KLHL28: variants seen among roughly 807,000 people sequenced by gnomAD.
The protein encoded by KLHL28 is kelch like family member 28.
Under a neutral mutation model 48.3 loss-of-function variants are expected in KLHL28, and 22 were observed. The observed-to-expected ratio is 0.46, with a 90% CI of 0.33 to 0.65. KLHL28 has a LOEUF of 0.65. Ranked by LOEUF, KLHL28 falls within the 30% of genes least tolerant of loss-of-function variation. KLHL28 has a pLI of 0.03. For synonymous variants in KLHL28, 243 were observed against 242.4 expected (o/e 1.00, Z -0.02); for missense variants, 527 against 704.3 (o/e 0.75, Z 2.85).
chr14:44,945,236 A>G lies in KLHL28; in HGVS notation c.693T>C (p.Val231=). The change falls in exon 2 of 5, where the codon GTT becomes GTC. Residue 231 remains valine (V), a synonymous_variant. Coordinates refer to ENST00000396128, the MANE Select transcript of KLHL28 (RefSeq NM_017658.5). ...CTTCATATAGTCTAGTGAGAAACTTAACACTCAACAATGGTAATCGTACAC... is the reference window on the plus strand; with the variant it reads ...CTTCATATAGTCTAGTGAGAAACTTGACACTCAACAATGGTAATCGTACAC... ...LNSVRLPLLS[V]KFLTRLYEAN... 4 of 1,614,120 alleles carry G rather than the reference A, an allele frequency of 2.5e-6. No homozygotes were observed. Among genetic ancestry groups the G allele is most frequent in the Non-Finnish European group, 3.4e-6 (4 of 1,179,960 alleles).
intron 3 of KLHL28, 123 bp from the exon 4 acceptor site, chr14:44,931,664 G>A (rs1449915841): frequency 1.0e-5 from 7 of 691,280 alleles, no homozygotes; most frequent in South Asian, 9.9e-5. Flanking sequence ...AACAAGAGTA[G>A]TCTGCCACAA....
chr14:44,942,019 C>T (rs562976054), intron 2 of KLHL28, among the ~76,000 whole-genome samples: 60 of 152,284 alleles, frequency 3.9e-4, no homozygotes, highest in African/African-American at 1.3e-3. Context: ...TGCTGATGAC[C>T]TTCAAATTTC....
At position 44,928,803 on chromosome 14, in the gene KLHL28, C is replaced by CTTTT; in HGVS notation, c.*221_*224dup. The CTTTT allele has an allele frequency of 3.4e-6, 1 of 292,994 alleles. No individual in the cohort carries two copies. Among genetic ancestry groups the CTTTT allele is most frequent in the Non-Finnish European group, 6.2e-6 (1 of 161,188 alleles). The allele number at this position is 292,994 out of a possible 1,614,324, so 18.1% of individuals were successfully genotyped here. A position where few individuals can be genotyped will look rare whatever the true frequency, so the allele number is the denominator to read the frequency against. On this transcript the variant is annotated 3_prime_UTR_variant, in exon 5 of 5. Transcript: ENST00000396128. ...CAGAATTCAATTGGCAAAGTCTTTA[C>CTTTT]TTTTTTTTTTTCTCTTTTTTCTTTT...
chr14:44,952,962 C>T (rs1029464435), intron 1 of KLHL28, among the ~76,000 whole-genome samples: 10 of 151,270 alleles, frequency 6.6e-5, no homozygotes, highest in African/African-American at 1.9e-4. Context: ...ATTTTAGAGT[C>T]GGACAGATTT....
intron 1 of KLHL28, chr14:44,959,320 G>A (rs1256215186): frequency 6.6e-6 from 1 of 152,014 alleles, no homozygotes; most frequent in African/African-American, 2.4e-5. Context: ...AGGATTAAAT[G>A]AGTTAATATT....
rs1285890165 is a variant in KLHL28, at chr14:44,928,495, G to C, written c.*533C>G. 1 of 152,046 alleles carries C rather than the reference G, an allele frequency of 6.6e-6. No individual in the cohort carries two copies. Among genetic ancestry groups the C allele is most frequent in the East Asian group, 1.9e-4 (1 of 5,188 alleles). 9.4% of individuals were successfully genotyped at this position (152,046 alleles called of 1,614,324 possible). A position where few individuals can be genotyped will look rare whatever the true frequency, so the allele number is the denominator to read the frequency against. ...TATTCAGATGACTACCTATTGGCAT[G>C]TTATTTACAACCTTTAAAAGTACCA... is the stretch of plus-strand genomic sequence containing the variant. On this transcript the variant is annotated 3_prime_UTR_variant, in exon 5 of 5. Coordinates refer to ENST00000396128, the MANE Select transcript of KLHL28 (RefSeq NM_017658.5).
intron 2 of KLHL28, 24 bp downstream of exon 2, chr14:44,945,006 C>A: frequency 6.8e-7 from 1 of 1,471,392 alleles, no homozygotes; most frequent in Non-Finnish European, 9.2e-7. Context: ...TAGCATCATT[C>A]ATTTAGGAAA....
At chr14:44,940,855 T>C (rs1359312762) in intron 2 of KLHL28, among the ~76,000 whole-genome samples, 1 of 152,130 alleles carries the variant, frequency 6.6e-6, no homozygotes, top group African/African-American at 2.4e-5. Context: ...ATTATAAAAA[T>C]ACTTGGGAGG....
intron 3 of KLHL28, among the ~76,000 whole-genome samples, chr14:44,933,737 G>A (rs571994403): frequency 5.5e-4 from 84 of 152,192 alleles, no homozygotes; most frequent in African/African-American, 2.0e-3. Context: ...ATATTGTATA[G>A]ACACACAGGA....
At chr14:44,956,327 G>A (rs1233090169) in intron 1 of KLHL28, among the ~76,000 whole-genome samples, 1 of 152,068 alleles carries the variant, frequency 6.6e-6, no homozygotes. Flanking sequence ...TTATCATTTT[G>A]CATCCTTAAT....
At chr14:44,951,501 T>C (rs1271972382) in intron 1 of KLHL28, among the ~76,000 whole-genome samples, 1 of 152,200 alleles carries the variant, frequency 6.6e-6, no homozygotes, top group East Asian at 1.9e-4. Context: ...TTTAAATATT[T>C]TCTGACCATT....
intron 3 of KLHL28, among the ~76,000 whole-genome samples, chr14:44,933,306 T>A (rs1883663705): frequency 6.7e-6 from 1 of 149,440 alleles, no homozygotes; most frequent in African/African-American, 2.5e-5. Context: ...TTTTCTTTTC[T>A]TTCTTTCTTT....
intron 2 of KLHL28, among the ~76,000 whole-genome samples, chr14:44,940,902 C>A (rs1884044754): frequency 6.6e-6 from 1 of 152,052 alleles, no homozygotes; most frequent in Admixed American, 6.6e-5. Flanking sequence ...GAGTTCAAGA[C>A]CAGCCTGACC....
rs1190484852 is a variant in KLHL28 at position 44,931,428 on chromosome 14, C to T, written c.1457G>A (p.Gly486Glu). ...VMLGFIFVVG[G>E]HNGVSHLSSI... ...GGACAAATGTGAGACTCCATTATGT[C>T]CACCCACCACAAAAATAAAGCCTAG... Residue 486 changes from glycine to glutamate, a missense_variant, in exon 4 of 5, where the codon GGA becomes GAA. Coordinates refer to ENST00000396128, the MANE Select transcript of KLHL28 (RefSeq NM_017658.5). The T allele has an allele frequency of 6.2e-7, 1 of 1,613,804 alleles. No homozygotes were observed. The highest frequency in any genetic ancestry group is 8.5e-7 in the Non-Finnish European group (1 of 1,179,902).
At chr14:44,943,426 G>A (rs1007763576) in intron 2 of KLHL28, among the ~76,000 whole-genome samples, 1 of 152,196 alleles carries the variant, frequency 6.6e-6, no homozygotes, top group Non-Finnish European at 1.5e-5. Flanking sequence ...GGGAGGCCAA[G>A]GCAGGTGGAT....
At chr14:44,954,333 TAATAATAATTGCAGATCTATTTATAA>T (rs921850814) in intron 1 of KLHL28, among the ~76,000 whole-genome samples, 1 of 152,210 alleles carries the variant, frequency 6.6e-6, no homozygotes, top group African/African-American at 2.4e-5. Context: ...TCCATAAGGC[TAATAATAATTGCAGATCTATTTATAA>T]AAACAAAATA....
chr14:44,943,589 G>A (rs1317837145), intron 2 of KLHL28, among the ~76,000 whole-genome samples: 3 of 151,916 alleles, frequency 2.0e-5, no homozygotes, highest in Admixed American at 6.6e-5. Flanking sequence ...CCTGGGAGGC[G>A]GAGGTTGCAG....
chr14:44,947,155 C>T (rs1221758046), intron 1 of KLHL28, among the ~76,000 whole-genome samples: 3 of 152,132 alleles, frequency 2.0e-5, no homozygotes, highest in Non-Finnish European at 4.4e-5. Context: ...ATGCAATCAA[C>T]ATGTACCTTA....
In KLHL28 at chr14:44,927,824, C is replaced by G. The variant is rs977143735; in HGVS notation, c.*1204G>C. Reference sequence around the variant, plus strand: ...TGCTTTATATTTAATGCATATATTTCTGTTTTTAAGAAAGACATGTAATAT... The same window carrying G: ...TGCTTTATATTTAATGCATATATTTGTGTTTTTAAGAAAGACATGTAATAT... On this transcript the variant is annotated 3_prime_UTR_variant, in exon 5 of 5. Coordinates refer to ENST00000396128, the MANE Select transcript of KLHL28 (RefSeq NM_017658.5). The G allele has an allele frequency of 1.4e-4, 22 of 152,546 alleles. No individual in the cohort carries two copies. Among genetic ancestry groups the G allele is most frequent in the African/African-American group, 5.3e-4 (22 of 41,424 alleles). The allele number at this position is 152,546 out of a possible 1,614,324, so 9.4% of individuals were successfully genotyped here.
Sources: gnomAD v4.1 joint callset for allele counts (sites outside exome capture counted in the v4.1 genomes callset) on GRCh38, gnomAD v4.1.1 for gene constraint, MANE v1.5 for transcripts, NCBI Gene and HGNC (gene_info 2026-07-23, HGNC 2026-07-21) for gene names.